The following RNASEL variants were observed in gnomAD, a reference collection of about 807,000 sequenced individuals.
RNASEL encodes 2-5A-dependent ribonuclease.
A neutral mutation model predicts 50.9 loss-of-function variants in RNASEL; 36 were observed. The observed-to-expected ratio is 0.71, with a 90% CI of 0.54 to 0.93. RNASEL has a LOEUF of 0.93. RNASEL is among the 40% of genes least tolerant of loss of function. The pLI is 0.00. For synonymous variants in RNASEL, 335 were observed against 335.6 expected, an observed-to-expected ratio of 1.00 and a Z score of 0.02; for missense variants, 860 against 894.5, an observed-to-expected ratio of 0.96 and a Z score of 0.49.
Position 182,586,134 on chromosome 1 carries a change from G to A in RNASEL, c.673C>T (p.Leu225=). ...TTGACATCAGCCCCATGGTCCAGCA[G>A]CAGATGCGTAATAGCCTCCACATCA... ...DSDVEAITHL[L]LDHGADVNVR... Residue 225 remains leucine, a synonymous_variant, in exon 2 of 7, where the codon CTG becomes TTG. Transcript: ENST00000367559. 6.2e-7 allele frequency: 1 copy of A among 1,614,162 alleles called. No individual in the cohort carries two copies. The highest frequency in any genetic ancestry group is 8.5e-7 in the Non-Finnish European group (1 of 1,180,034).
chr1:182,585,577 G>A lies in RNASEL; in HGVS notation c.1230C>T (p.Ser410=), dbSNP rs989361325. Residue 410 remains serine, a synonymous_variant, in exon 2 of 7, where the codon AGC becomes AGT. Transcript: ENST00000367559. ...TCACCAAGTGACTGTTCTCTCGGCT[G>A]CTTTGCAGACAAGAGACTTCCCGCT... The part of the protein sequence containing the change: ...RAQREVSCLQ[S]SRENSHLVTF... 1.9e-6 allele frequency: 3 copies of A among 1,614,180 alleles called. No individual in the cohort carries two copies. The highest frequency in any genetic ancestry group is 3.3e-4 in the Middle Eastern group (2 of 6,062).
In RNASEL at chr1:182,586,260, C is replaced by A. The variant is rs754107778; in HGVS notation, c.547G>T (p.Val183Phe). 1.9e-6 allele frequency: 3 copies of A among 1,614,204 alleles called. No homozygotes were observed. The East Asian group carries it at 6.7e-5, about 36-fold the overall frequency. ...ATCTCATCAAGGAGAATCTTCAAGA[C>A]CTCTACGTGTCCTTTTTCAGCAGCG... ...MDAAEKGHVE[V>F]LKILLDEMGA... The change falls in exon 2 of 7, where the codon GTC becomes TTC. Residue 183 changes from valine to phenylalanine, a missense_variant. By Grantham distance (50) the Val-to-Phe change is conservative (BLOSUM62 -1). Transcript: ENST00000367559.
chr1:182,582,291 C>T (rs1384058328), intron 3 of RNASEL, 33 bp from the exon 4 acceptor site: 7 of 1,610,752 alleles, frequency 4.3e-6, no homozygotes, highest in Non-Finnish European at 5.1e-6. Context: ...GCCAAAGATG[C>T]TTACTAATTA....
Position 182,575,038 on chromosome 1 carries a change from C to T in RNASEL, c.*354G>A. On this transcript the variant is annotated 3_prime_UTR_variant, in exon 7 of 7. Transcript: ENST00000367559. ...TCTCTGAGTCTCAGGTTCCTCAGTT[C>T]TTAAATGGGGATGATAATCCCTGTT... The T allele has an allele frequency of 2.7e-6, 1 of 367,738 alleles. No individual in the cohort carries two copies. Among genetic ancestry groups the T allele is most frequent in the Non-Finnish European group, 5.0e-6 (1 of 198,938 alleles). 22.8% of individuals were successfully genotyped at this position (367,738 alleles called of 1,614,324 possible). A position where few individuals can be genotyped will look rare whatever the true frequency, so the allele number is the denominator to read the frequency against.
intron 2 of RNASEL, among the ~76,000 whole-genome samples, 166 bp from the exon 3 acceptor site, chr1:182,584,332 T>C (rs960412588): frequency 1.3e-5 from 2 of 152,218 alleles, no homozygotes; most frequent in Non-Finnish European, 2.9e-5. Context: ...AACACTGCCA[T>C]GTGCACTGTT....
At chr1:182,577,449 C>T (rs889209000) in intron 5 of RNASEL, among the ~76,000 whole-genome samples, 5 of 152,076 alleles carry the variant, frequency 3.3e-5, no homozygotes, top group Admixed American at 1.3e-4. Flanking sequence ...CAGACTGAAA[C>T]TGGGCCTGGC....
intron 6 of RNASEL, 49 bp downstream of exon 6, chr1:182,576,207 A>C (rs767024152): frequency 1.3e-5 from 20 of 1,562,582 alleles, no homozygotes; most frequent in Non-Finnish European, 1.7e-5. Flanking sequence ...GGATTTTTTA[A>C]ATTGTTCTCA....
intron 1 of RNASEL, among the ~76,000 whole-genome samples, chr1:182,587,447 TTTTAG>T (rs1384748240): frequency 6.6e-6 from 1 of 152,064 alleles, no homozygotes; most frequent in Non-Finnish European, 1.5e-5. Context: ...ATTCAGCTTA[TTTTAG>T]TTTATTTTCT....
chr1:182,581,402 C>A (rs1284853261), intron 4 of RNASEL, 45 bp from the exon 5 acceptor site: 1 of 1,612,464 alleles, frequency 6.2e-7, no homozygotes, highest in Non-Finnish European at 8.5e-7. Flanking sequence ...CATCCCATCC[C>A]TCCCTTTCCT....
intron 5 of RNASEL, chr1:182,578,496 A>G (rs1216312544): frequency 6.6e-6 from 1 of 152,246 alleles, no homozygotes; most frequent in Non-Finnish European, 1.5e-5. Context: ...GGATGCAGAG[A>G]AAAGAATGTA....
chr1:182,579,916 G>T, intron 5 of RNASEL: 1 of 463,270 alleles, frequency 2.2e-6, no homozygotes, highest in Non-Finnish European at 4.3e-6. Flanking sequence ...CATGGCCTCT[G>T]CAGCCATCCT....
rs535800688 is a variant in RNASEL at position 182,575,509 on chromosome 1, G to C, written c.2109C>G (p.Val703=). Residue 703 remains valine, a synonymous_variant, in exon 7 of 7, where the codon GTC becomes GTG. Transcript: ENST00000367559. ...QKTFPDLVIY[V]YTKLQNTEYR... is the part of the protein sequence containing the mutation. Reference sequence around the variant, plus strand: ...ATTCTGTGTTCTGTAGTTTTGTGTAGACATAGATCACCAGATCTGGAAATG... The same window carrying C: ...ATTCTGTGTTCTGTAGTTTTGTGTACACATAGATCACCAGATCTGGAAATG... The C allele has an allele frequency of 6.2e-7, 1 of 1,614,062 alleles. No homozygotes were observed. Among genetic ancestry groups the C allele is most frequent in the African/African-American group, 1.3e-5 (1 of 74,924 alleles).
In RNASEL at chr1:182,586,138, A is replaced by T. The variant is rs2102371305; in HGVS notation, c.669T>A (p.His223Gln). ...CATCAGCCCCATGGTCCAGCAGCAG[A>T]TGCGTAATAGCCTCCACATCACTAT... ...SDDSDVEAITHLLLDHGADVN... is the reference protein window; with the variant it reads ...SDDSDVEAITQLLLDHGADVN... Residue 223 changes from histidine to glutamine, a missense_variant, in exon 2 of 7, where the codon CAT becomes CAA. His to Gln is a conservative substitution (Grantham distance 24, BLOSUM62 0). Coordinates refer to ENST00000367559, the MANE Select transcript of RNASEL (RefSeq NM_021133.4). The T allele has an allele frequency of 6.2e-7, 1 of 1,614,180 alleles. No homozygotes were observed. Among genetic ancestry groups the T allele is most frequent in the Non-Finnish European group, 8.5e-7 (1 of 1,180,042 alleles).
rs1283661175 is a variant in RNASEL, at chr1:182,585,967, A to T, written c.840T>A (p.Ala280=). 1.2e-6 allele frequency: 2 copies of T among 1,614,158 alleles called. No individual in the cohort carries two copies. Among genetic ancestry groups the T allele is most frequent in the Middle Eastern group, 1.6e-4 (1 of 6,062 alleles). The part of the protein sequence containing the change: ...DSDGKTALLL[A]VELKLKKIAE... Reference sequence around the variant, plus strand: ...CGATTTTCTTCAGTTTGAGTTCAACAGCAAGCAGCAGTGCTGTTTTGCCAT... The same window carrying T: ...CGATTTTCTTCAGTTTGAGTTCAACTGCAAGCAGCAGTGCTGTTTTGCCAT... Residue 280 remains alanine, a synonymous_variant, in exon 2 of 7, where the codon GCT becomes GCA. Transcript: ENST00000367559.
rs374109517 is a variant in RNASEL at position 182,586,284 on chromosome 1, C to T, written c.523G>A (p.Ala175Thr). ...RKGGATALMDAAEKGHVEVLK... is the reference protein window; with the variant it reads ...RKGGATALMDTAEKGHVEVLK... ...ACCTCTACGTGTCCTTTTTCAGCAG[C>T]GTCCATGAGAGCTGTGGCCCCTCCT... The change falls in exon 2 of 7, where the codon GCT becomes ACT. Residue 175 changes from alanine to threonine, a missense_variant. Physicochemically the swap from Ala to Thr is moderately conservative, Grantham distance 58 (BLOSUM62 0). Coordinates refer to ENST00000367559, the MANE Select transcript of RNASEL (RefSeq NM_021133.4). 1.9e-6 allele frequency: 3 copies of T among 1,614,192 alleles called. No homozygotes were observed. Among genetic ancestry groups the T allele is most frequent in the Non-Finnish European group, 2.5e-6 (3 of 1,180,018 alleles).
Position 182,585,708 on chromosome 1 carries a change from C to G in RNASEL, c.1099G>C (p.Glu367Gln), listed in dbSNP as rs756823119. 6.2e-7 allele frequency: 1 copy of G among 1,614,060 alleles called. No individual in the cohort carries two copies. The highest frequency in any genetic ancestry group is 1.1e-5 in the South Asian group (1 of 91,084). ...GAAGTATCAGCAATTTTGTATTTTTCATCAATAAAGAACTTGAGTTTGCCA... is the reference window on the plus strand; with the variant it reads ...GAAGTATCAGCAATTTTGTATTTTTGATCAATAAAGAACTTGAGTTTGCCA... ...MIGKLKFFID[E>Q]KYKIADTSEG... is the part of the protein sequence containing the mutation. The change falls in exon 2 of 7, where the codon GAA becomes CAA. Residue 367 changes from glutamate to glutamine, a missense_variant. By Grantham distance (29) the Glu-to-Gln change is conservative (BLOSUM62 2). Transcript: ENST00000367559.
chr1:182,581,119 G>A (rs1004371731), intron 5 of RNASEL, 106 bp downstream of exon 5: 15 of 1,552,674 alleles, frequency 9.7e-6, no homozygotes, highest in Non-Finnish European at 1.3e-5. Context: ...ACCTCTTTGA[G>A]CCTCTGGTTT....
At position 182,574,429 on chromosome 1, in the gene RNASEL, C is replaced by T. The variant is rs1661343906; in HGVS notation, c.*963G>A. On this transcript the variant is annotated 3_prime_UTR_variant, in exon 7 of 7. Transcript: ENST00000367559. The stretch of plus-strand genomic sequence containing the variant: ...CAGAAGGAACTCCATCACTACAGAT[C>T]CAGCAAGAGTAAATAAATCTGAGTC... 1 of 230,016 alleles carries T rather than the reference C, an allele frequency of 4.3e-6. No homozygotes were observed. The highest frequency in any genetic ancestry group is 8.6e-6 in the Non-Finnish European group (1 of 116,094). 14.2% of individuals were successfully genotyped at this position (230,016 alleles called of 1,614,324 possible). A position where few individuals can be genotyped will look rare whatever the true frequency, so the allele number is the denominator to read the frequency against.
At chr1:182,588,475 C>T (rs917604682) in intron 1 of RNASEL, among the ~76,000 whole-genome samples, 1 of 152,188 alleles carries the variant, frequency 6.6e-6, no homozygotes, top group Admixed American at 6.5e-5. Context: ...ATAGCTACTA[C>T]ACGAATAGGC....
Sources: gnomAD v4.1 joint callset for allele counts (sites outside exome capture counted in the v4.1 genomes callset) on GRCh38, gnomAD v4.1.1 for gene constraint, MANE v1.5 for transcripts, NCBI Gene and HGNC (gene_info 2026-07-23, HGNC 2026-07-21) for gene names.